HAO1: variants seen among roughly 807,000 people sequenced by gnomAD.
HAO1 encodes 2-Hydroxyacid oxidase 1.
Under a neutral mutation model 39.7 loss-of-function variants are expected in HAO1, and 34 were observed. That is an observed-to-expected ratio of 0.86 (90% CI 0.65 to 1.14). The LOEUF is 1.14. HAO1 is among the 50% of genes most tolerant of loss of function. The pLI, the probability that HAO1 is intolerant of heterozygous loss-of-function variation, is 0.00. For synonymous variants in HAO1, 172 were observed against 173.2 expected, an observed-to-expected ratio of 0.99 and a Z score of 0.05; for missense variants, 479 against 464.5, an observed-to-expected ratio of 1.03 and a Z score of -0.29.
At chr20:7,918,208 A>G (rs1600116066) in intron 2 of HAO1, among the ~76,000 whole-genome samples, 1 of 152,228 alleles carries the variant, frequency 6.6e-6, no homozygotes, top group East Asian at 1.9e-4. Flanking sequence ...CCCAGAACAA[A>G]TATGAGTGAT....
chr20:7,888,548 C>G (rs1405677984), intron 5 of HAO1, among the ~76,000 whole-genome samples: 1 of 152,182 alleles, frequency 6.6e-6, no homozygotes, highest in African/African-American at 2.4e-5. Flanking sequence ...GTCCAAGTCA[C>G]TGCCCATAAA....
chr20:7,913,751 T>C (rs1325075477), intron 3 of HAO1, among the ~76,000 whole-genome samples: 1 of 152,234 alleles, frequency 6.6e-6, no homozygotes, highest in African/African-American at 2.4e-5. Flanking sequence ...ATGTGGCTTT[T>C]TTAAACCTTC....
intron 2 of HAO1, among the ~76,000 whole-genome samples, chr20:7,914,756 G>C (rs528836302): frequency 3.9e-5 from 6 of 152,256 alleles, no homozygotes; most frequent in African/African-American, 1.4e-4. Flanking sequence ...TTAAGAACCT[G>C]AACATCCAGC....
Position 7,914,422 on chromosome 20 carries a change from GAGAA to G in HAO1, c.290-7_290-4del, listed in dbSNP as rs753292328. 4 of 1,612,590 alleles carry G rather than the reference GAGAA, an allele frequency of 2.5e-6. No individual in the cohort carries two copies. In the East Asian group the frequency reaches 8.9e-5, roughly 36 times the overall value. Reference sequence around the variant, plus strand: ...GCCCGTTCCCAGGGACTGACAGGCTGAGAAAGAAAGGGGATGATCAAGATGGGCC... The same window carrying G: ...GCCCGTTCCCAGGGACTGACAGGCTGAGAAAGGGGATGATCAAGATGGGCC... On this transcript the variant is annotated splice_region_variant and splice_polypyrimidine_tract_variant and intron_variant, in intron 2 of 7. Coordinates refer to ENST00000378789, the MANE Select transcript of HAO1 (RefSeq NM_017545.3).
chr20:7,934,784 C>G (rs2050402612), intron 1 of HAO1, 149 bp from the exon 2 acceptor site: 2 of 530,576 alleles, frequency 3.8e-6, no homozygotes, highest in Non-Finnish European at 6.5e-6. Context: ...GGAAAAGAGG[C>G]AATTTTACTG....
At position 7,916,834 on chromosome 20, in the gene HAO1, C is replaced by T. The variant is rs544986333; in HGVS notation, c.290-2415G>A. 3.9e-5 allele frequency among the ~76,000 whole-genome samples: 6 copies of T among 152,252 alleles called. No individual in the cohort carries two copies. The South Asian group carries it at 1.2e-3, about 32-fold the overall frequency. On this transcript the variant is annotated intron_variant, in intron 2 of 7. Transcript: ENST00000378789. ...ACTAGTCTGTTCTCCCAAAGAGTTC[C>T]TTCTATAGGAATTCATGACTGGCAA...
intron 4 of HAO1, among the ~76,000 whole-genome samples, chr20:7,897,366 CTTTCTT>C (rs1463000048): frequency 6.6e-6 from 1 of 152,072 alleles, no homozygotes; most frequent in Non-Finnish European, 1.5e-5. Context: ...CTCCAGGCCT[CTTTCTT>C]TTACTTTTCT....
chr20:7,922,911 A>T (rs112387665), intron 2 of HAO1, among the ~76,000 whole-genome samples: 1,991 of 152,254 alleles, frequency 0.013, 38 homozygotes, highest in African/African-American at 0.043. Context: ...CCATCTCAAA[A>T]AATGGGCTAC....
rs1338913692 is a variant in HAO1, at chr20:7,883,324, C to T, written c.*269G>A. The stretch of plus-strand genomic sequence containing the variant: ...AGCACTTTAGCCTGCCAGGGGATGA[C>T]GTTGTCTAAACACATTTTCAATGTT... On this transcript the variant is annotated 3_prime_UTR_variant, in exon 8 of 8. Coordinates refer to ENST00000378789, the MANE Select transcript of HAO1 (RefSeq NM_017545.3). The T allele has an allele frequency of 1.5e-5, 7 of 459,826 alleles. No homozygotes were observed. The highest frequency in any genetic ancestry group is 1.2e-4 in the African/African-American group (6 of 51,466). The allele number at this position is 459,826 out of a possible 1,614,324, so 28.5% of individuals were successfully genotyped here.
chr20:7,905,692 AC>A (rs2050244416), intron 4 of HAO1, among the ~76,000 whole-genome samples: 2 of 152,178 alleles, frequency 1.3e-5, no homozygotes, highest in African/African-American at 4.8e-5. Context: ...TGTGGGTTTG[AC>A]CACACTCAAA....
intron 3 of HAO1, among the ~76,000 whole-genome samples, chr20:7,913,787 A>T (rs1378394204): frequency 1.3e-5 from 2 of 152,176 alleles, no homozygotes; most frequent in African/African-American, 4.8e-5. Context: ...CAATCTTCTT[A>T]GCCTTAGCTG....
At chr20:7,921,330 G>A (rs538045373) in intron 2 of HAO1, among the ~76,000 whole-genome samples, 26 of 152,226 alleles carry the variant, frequency 1.7e-4, no homozygotes, top group Non-Finnish European at 2.8e-4. Context: ...AGGCATAAAA[G>A]AGGCTGATAA....
At chr20:7,928,328 A>C (rs2122793209) in intron 2 of HAO1, among the ~76,000 whole-genome samples, 1 of 151,760 alleles carries the variant, frequency 6.6e-6, no homozygotes, top group Non-Finnish European at 1.5e-5. Context: ...CAGTAGAGTA[A>C]GAAAAGGTAG....
chr20:7,918,922 C>T (rs2050318914), intron 2 of HAO1, among the ~76,000 whole-genome samples: 1 of 152,188 alleles, frequency 6.6e-6, no homozygotes, highest in Non-Finnish European at 1.5e-5. Context: ...ATTCTGACTC[C>T]CTGCTCCCAA....
intron 4 of HAO1, among the ~76,000 whole-genome samples, chr20:7,904,805 A>G (rs774747842): frequency 1.3e-5 from 2 of 152,236 alleles, no homozygotes; most frequent in Non-Finnish European, 1.5e-5. Context: ...TGAATGAATA[A>G]ATAAATGAAT....
intron 3 of HAO1, among the ~76,000 whole-genome samples, chr20:7,912,101 T>A (rs1442322470): frequency 6.6e-6 from 1 of 152,184 alleles, no homozygotes; most frequent in African/African-American, 2.4e-5. Flanking sequence ...TGTTGCTCAT[T>A]ATTTGATCAT....
chr20:7,934,298 C>T (rs1277696549), intron 2 of HAO1, among the ~76,000 whole-genome samples, 186 bp downstream of exon 2: 1 of 152,108 alleles, frequency 6.6e-6, no homozygotes, highest in Non-Finnish European at 1.5e-5. Flanking sequence ...GATATCTTGC[C>T]CAGTCACACA....
At chr20:7,910,454 A>G (rs1251596776) in intron 3 of HAO1, among the ~76,000 whole-genome samples, 2 of 152,188 alleles carry the variant, frequency 1.3e-5, no homozygotes, top group African/African-American at 4.8e-5. Flanking sequence ...GTCTCACTGG[A>G]CTAAACTCAA....
intron 3 of HAO1, among the ~76,000 whole-genome samples, chr20:7,909,385 A>ATATATATATATATG (rs2050266439): frequency 1.8e-5 from 2 of 112,608 alleles, no homozygotes; most frequent in African/African-American, 3.9e-5. Context: ...ATATGTATAT[A>ATATATATATATATG]TATATATATA....
Sources: gnomAD v4.1 joint callset for allele counts (sites outside exome capture counted in the v4.1 genomes callset) on GRCh38, gnomAD v4.1.1 for gene constraint, MANE v1.5 for transcripts, NCBI Gene and HGNC (gene_info 2026-07-23, HGNC 2026-07-21) for gene names.